Variants in NPHP1 observed in about 807,000 individuals in gnomAD.
NPHP1 encodes nephrocystin-1.
NPHP1 carries 70 observed loss-of-function variants against 90.4 expected under a neutral mutation model. That is an observed-to-expected ratio of 0.77 (90% CI 0.64 to 0.95). The LOEUF (loss-of-function observed/expected upper bound fraction) is 0.95, where lower values mean the gene tolerates loss of function less well. NPHP1 is among the 40% of genes least tolerant of loss of function. The pLI, the probability that NPHP1 is intolerant of heterozygous loss-of-function variation, is 0.00. For synonymous variants in NPHP1, 256 were observed against 271.7 expected, an observed-to-expected ratio of 0.94 and a Z score of 0.57; for missense variants, 764 against 795.9, an observed-to-expected ratio of 0.96 and a Z score of 0.48.
chr2:110,157,052 GGCGTGA>G (rs1322638693), intron 11 of NPHP1, among the ~76,000 whole-genome samples: 38 of 152,254 alleles, frequency 2.5e-4, no homozygotes, highest in South Asian at 1.0e-3. Context: ...GGGGATTACA[GGCGTGA>G]GCCACTGCGC....
chr2:110,181,305 G>A (rs1449429272), intron 2 of NPHP1, among the ~76,000 whole-genome samples: 1 of 152,170 alleles, frequency 6.6e-6, no homozygotes, highest in Non-Finnish European at 1.5e-5. Context: ...GCTTCTTTAA[G>A]TGGGTCTGTA....
At chr2:110,135,009 C>A (rs1485010540) in intron 16 of NPHP1, among the ~76,000 whole-genome samples, 1 of 151,898 alleles carries the variant, frequency 6.6e-6, no homozygotes, top group African/African-American at 2.4e-5. Context: ...TGTTTGCAGA[C>A]AAAATGATGT....
Position 110,185,256 on chromosome 2 carries a change from G to C in NPHP1, c.144-5572C>G, listed in dbSNP as rs1214297707. 6 of 483,524 alleles carry C rather than the reference G, an allele frequency of 1.2e-5. No individual in the cohort carries two copies. The East Asian group carries it at 3.2e-4, about 26-fold the overall frequency. 30.0% of individuals were successfully genotyped at this position (483,524 alleles called of 1,614,324 possible). A position where few individuals can be genotyped will look rare whatever the true frequency, so the allele number is the denominator to read the frequency against. ...CTCGCTTTGTTGAGTCAGAGTGTTT[G>C]TGAGGAATTGCCTGTGTGTGTGAGT... On this transcript the variant is annotated intron_variant, in intron 2 of 19. Coordinates refer to ENST00000445609, the MANE Select transcript of NPHP1 (RefSeq NM_001128178.3).
chr2:110,140,342 A>G (rs1028851695), intron 16 of NPHP1, among the ~76,000 whole-genome samples: 1 of 152,084 alleles, frequency 6.6e-6, no homozygotes, highest in African/African-American at 2.4e-5. Context: ...TATTTCACAA[A>G]CATTTTTCGG....
intron 3 of NPHP1, 81 bp downstream of exon 3, chr2:110,179,543 C>CA (rs1329804436): frequency 1.1e-5 from 8 of 732,842 alleles, no homozygotes; most frequent in Non-Finnish European, 1.9e-5. Flanking sequence ...AGGAACTTAC[C>CA]AACTTGAATT....
At chr2:110,190,553 C>T (rs1167514482) in intron 2 of NPHP1, among the ~76,000 whole-genome samples, 1 of 152,160 alleles carries the variant, frequency 6.6e-6, no homozygotes, top group Non-Finnish European at 1.5e-5. Flanking sequence ...GTGTGCAGGC[C>T]CGGTTCCCAC....
intron 14 of NPHP1, among the ~76,000 whole-genome samples, chr2:110,146,248 T>C (rs558151599): frequency 6.6e-6 from 1 of 152,146 alleles, no homozygotes; most frequent in South Asian, 2.1e-4. Flanking sequence ...GAGAGTTCCT[T>C]TTATATTAGG....
chr2:110,204,730 G>C (rs933145193), intron 1 of NPHP1, among the ~76,000 whole-genome samples, 170 bp downstream of exon 1: 12 of 151,990 alleles, frequency 7.9e-5, no homozygotes, highest in Non-Finnish European at 1.2e-4. Flanking sequence ...GGTTTGAATC[G>C]GGGTTGGGTG....
At chr2:110,184,338 T>C (rs931837288) in intron 2 of NPHP1, 10 of 610,598 alleles carry the variant, frequency 1.6e-5, no homozygotes, top group Middle Eastern at 5.5e-4. Context: ...ATATGTCTAT[T>C]CTAAGGACCA....
At chr2:110,186,227 T>C (rs960543412) in intron 2 of NPHP1, among the ~76,000 whole-genome samples, 4 of 152,166 alleles carry the variant, frequency 2.6e-5, no homozygotes, top group Admixed American at 6.5e-5. Flanking sequence ...AACAGGCTGG[T>C]TGCTGGTTAG....
chr2:110,165,335 A>G (rs557676859), intron 6 of NPHP1, among the ~76,000 whole-genome samples, 180 bp from the exon 7 acceptor site: 26 of 152,330 alleles, frequency 1.7e-4, no homozygotes, highest in African/African-American at 6.0e-4. Context: ...AATTTAGTAT[A>G]TATGATGAGC....
chr2:110,204,845 G>A, intron 1 of NPHP1, 55 bp downstream of exon 1: 1 of 1,573,616 alleles, frequency 6.4e-7, no homozygotes, highest in Non-Finnish European at 8.7e-7. Flanking sequence ...CGCAGTGCGC[G>A]CAGCTGCGTC....
intron 4 of NPHP1, among the ~76,000 whole-genome samples, chr2:110,172,006 T>G (rs1214301931): frequency 6.6e-6 from 1 of 152,180 alleles, no homozygotes; most frequent in East Asian, 1.9e-4. Flanking sequence ...TTACAATAAA[T>G]TCACCAGTAA....
chr2:110,202,906 G>A (rs1685665426), intron 1 of NPHP1, among the ~76,000 whole-genome samples: 1 of 152,048 alleles, frequency 6.6e-6, no homozygotes, highest in Non-Finnish European at 1.5e-5. Flanking sequence ...ATTTGACCCA[G>A]AAATCCCATT....
chr2:110,190,145 A>G (rs1268190789), intron 2 of NPHP1, among the ~76,000 whole-genome samples: 1 of 152,202 alleles, frequency 6.6e-6, no homozygotes, highest in African/African-American at 2.4e-5. Flanking sequence ...CATCCCCACC[A>G]GACTCAGGAG....
At chr2:110,180,367 T>C (rs1362765765) in intron 2 of NPHP1, among the ~76,000 whole-genome samples, 2 of 151,078 alleles carry the variant, frequency 1.3e-5, no homozygotes, top group African/African-American at 2.4e-5. Context: ...ATATGAGCTA[T>C]AGCTCATGAT....
At chr2:110,182,223 T>C (rs189349286) in intron 2 of NPHP1, among the ~76,000 whole-genome samples, 2 of 151,938 alleles carry the variant, frequency 1.3e-5, no homozygotes, top group East Asian at 1.9e-4. Flanking sequence ...TAGAATATCA[T>C]ACAGAAGAAT....
Position 110,164,682 on chromosome 2 carries a change from G to A in NPHP1, c.771+6C>T, listed in dbSNP as rs1574128864. On this transcript the variant is annotated splice_donor_region_variant and intron_variant, in intron 8 of 19. Transcript: ENST00000445609. The stretch of plus-strand genomic sequence containing the variant: ...AGACATGATTAACAAGACAGAAGAT[G>A]CCCGCCTCTGAAATCGCTTTCTGAA... 1.2e-6 allele frequency: 2 copies of A among 1,613,992 alleles called. No homozygotes were observed. The highest frequency in any genetic ancestry group is 2.2e-5 in the South Asian group (2 of 91,066).
At chr2:110,194,394 C>T (rs1206091705) in intron 2 of NPHP1, among the ~76,000 whole-genome samples, 4 of 152,162 alleles carry the variant, frequency 2.6e-5, no homozygotes, top group African/African-American at 9.7e-5. Flanking sequence ...TGCAAATAAA[C>T]TAGAAAATCT....
Sources: allele counts gnomAD v4.1 joint callset (sites outside exome capture counted in the v4.1 genomes callset), GRCh38; gene constraint gnomAD v4.1.1; transcripts MANE v1.5; gene names NCBI Gene and HGNC (gene_info 2026-07-23, HGNC 2026-07-21).